Variants in PCDHA12 observed in about 807,000 individuals in gnomAD.
The protein encoded by PCDHA12 is protocadherin alpha-12.
In PCDHA12, 44 loss-of-function variants were observed where a neutral mutation model predicts 60.0. The observed-to-expected ratio is 0.73, with a 90% confidence interval of 0.58 to 0.94. PCDHA12 has a LOEUF of 0.94. Among genes scored for constraint, PCDHA12 ranks in the 40% least tolerant of loss-of-function variants. The probability of loss-of-function intolerance (pLI) is 0.00; values close to 1 mark genes in which losing one functional copy is unlikely to be tolerated. For missense variants in PCDHA12, 1,276 were observed against 1,239.7 expected (o/e 1.03, Z -0.44); for synonymous variants, 569 against 553.0 (o/e 1.03, Z -0.40).
chr5:140,978,794 T>A, intron 1 of PCDHA12, 155 bp from the exon 2 acceptor site: 1 of 978,746 alleles, frequency 1.0e-6, no homozygotes, highest in Non-Finnish European at 1.2e-6. Flanking sequence ...GTGCTATATA[T>A]GTAGATATCA....
At chr5:140,890,753 C>G (rs1274674281) in intron 1 of PCDHA12, among the ~76,000 whole-genome samples, 1 of 152,114 alleles carries the variant, frequency 6.6e-6, no homozygotes, top group African/African-American at 2.4e-5. Context: ...TTCTGTCATG[C>G]TTTAAAAATA....
At chr5:140,980,237 A>C (rs1159780134) in intron 2 of PCDHA12, among the ~76,000 whole-genome samples, 1 of 152,238 alleles carries the variant, frequency 6.6e-6, no homozygotes, top group Non-Finnish European at 1.5e-5. Context: ...GTTGGTGGAG[A>C]CATGCAATGG....
rs188637090 is a variant in PCDHA12 at position 140,876,765 on chromosome 5, C to T, written c.1293C>T (p.Gly431=). 1,055 of 1,614,234 alleles carry T rather than the reference C, an allele frequency of 6.5e-4. 5 individuals are homozygous for T. The African/African-American group carries it at 0.01, about 15-fold the overall frequency. ...YELVVTARDG[G]SPSLWATARV... ...TGGTGGTGACTGCGCGGGATGGGGG[C>T]TCGCCTTCGCTGTGGGCCACGGCTA... The change falls in exon 1 of 4, where the codon GGC becomes GGT. Residue 431 remains glycine (G), a synonymous_variant. Transcript: ENST00000398631.
chr5:141,010,034 A>G lies in PCDHA12; in HGVS notation c.*97A>G. On this transcript the variant is annotated 3_prime_UTR_variant, in exon 4 of 4. Transcript: ENST00000398631. Reference sequence around the variant, plus strand: ...CCTGCTCCTTTTTCCTATCTACATGAGCCCTCTTAGAGACCTCAGAAATCT... The same window carrying G: ...CCTGCTCCTTTTTCCTATCTACATGGGCCCTCTTAGAGACCTCAGAAATCT... 6.3e-7 allele frequency: 1 copy of G among 1,582,208 alleles called. No individual in the cohort carries two copies.
In PCDHA12 at chr5:140,877,218, G is replaced by T; in HGVS notation, c.1746G>T (p.Pro582=). The change falls in exon 1 of 4, where the codon CCG becomes CCT. Residue 582 remains proline (P), a synonymous_variant. Transcript: ENST00000398631. ...GAGGCGCAGTTAGCGAGTTGGTACC[G>T]CGGTCGGTGGGTGCGGGCCACGTGG... ...SAGGAVSELV[P]RSVGAGHVVA... is the part of the protein sequence containing the mutation. 1.2e-6 allele frequency: 2 copies of T among 1,613,726 alleles called. No homozygotes were observed. The highest frequency in any genetic ancestry group is 1.1e-5 in the South Asian group (1 of 91,038).
In PCDHA12 at chr5:140,877,516, G is replaced by A; in HGVS notation, c.2044G>A (p.Ala682Thr). The change falls in exon 1 of 4, where the codon GCC becomes ACC. Residue 682 changes from alanine (A) to threonine (T), a missense_variant. Ala to Thr is a moderately conservative substitution (Grantham distance 58). Coordinates refer to ENST00000398631, the MANE Select transcript of PCDHA12 (RefSeq NM_018903.4). ...NGQAPKTSSRASVGAVDPEAA... is the reference protein window; with the variant it reads ...NGQAPKTSSRTSVGAVDPEAA... ...CCAGGCCCCAAAGACGTCGTCGCGG[G>A]CCTCAGTGGGCGCTGTGGATCCCGA... 6.2e-7 allele frequency: 1 copy of A among 1,613,816 alleles called. No homozygotes were observed. Among genetic ancestry groups the A allele is most frequent in the Non-Finnish European group, 8.5e-7 (1 of 1,179,882 alleles).
chr5:140,972,905 A>C (rs1188926107), intron 1 of PCDHA12, among the ~76,000 whole-genome samples: 18 of 151,782 alleles, frequency 1.2e-4, no homozygotes, highest in African/African-American at 4.4e-4. Flanking sequence ...CTTGTGATCC[A>C]CCCGCCTTGG....
chr5:140,967,901 A>T, intron 1 of PCDHA12: 2 of 1,614,142 alleles, frequency 1.2e-6, no homozygotes, highest in African/African-American at 1.3e-5. Context: ...TGAGAATGCT[A>T]CACCCAACAC....
chr5:140,902,197 C>T (rs868992860), intron 1 of PCDHA12, among the ~76,000 whole-genome samples: 1 of 143,684 alleles, frequency 7.0e-6, no homozygotes, highest in African/African-American at 2.6e-5. Context: ...CTCTCTCTCT[C>T]TCTTTCTTTT....
At chr5:141,003,081 T>C (rs2098110268) in intron 3 of PCDHA12, among the ~76,000 whole-genome samples, 1 of 152,238 alleles carries the variant, frequency 6.6e-6, no homozygotes, top group Admixed American at 6.5e-5. Context: ...AGGGTGAGTT[T>C]AACAGGCCTG....
intron 1 of PCDHA12, among the ~76,000 whole-genome samples, chr5:140,944,319 C>T (rs1386940921): frequency 6.6e-6 from 1 of 152,104 alleles, no homozygotes. Context: ...TCCTGAGTAG[C>T]TGGGATTACA....
chr5:140,931,319 T>A (rs1237988294), intron 1 of PCDHA12, among the ~76,000 whole-genome samples: 3 of 152,086 alleles, frequency 2.0e-5, no homozygotes, highest in Non-Finnish European at 4.4e-5. Flanking sequence ...ATACCAGTAA[T>A]GGCTGTAAAG....
At chr5:140,905,360 T>C (rs2071771480) in intron 1 of PCDHA12, among the ~76,000 whole-genome samples, 2 of 152,238 alleles carry the variant, frequency 1.3e-5, no homozygotes, top group Non-Finnish European at 2.9e-5. Context: ...TTTGACTATA[T>C]TTCTGGTTCT....
At chr5:141,007,448 G>A (rs555583994) in intron 3 of PCDHA12, among the ~76,000 whole-genome samples, 2 of 150,352 alleles carry the variant, frequency 1.3e-5, no homozygotes, top group African/African-American at 4.9e-5. Context: ...TGTGCCTGTA[G>A]TCCCAGCTAC....
At position 141,010,004 on chromosome 5, in the gene PCDHA12, A is replaced by T; in HGVS notation, c.*67A>T. 1 of 1,573,418 alleles carries T rather than the reference A, an allele frequency of 6.4e-7. No individual in the cohort carries two copies. The highest frequency in any genetic ancestry group is 8.6e-7 in the Non-Finnish European group (1 of 1,163,824). ...TAATGGCAAATCTCTCCCATGTAGC[A>T]ATTCCCTGCTCCTTTTTCCTATCTA... On this transcript the variant is annotated 3_prime_UTR_variant, in exon 4 of 4. Transcript: ENST00000398631.
At chr5:140,885,064 A>T (rs2060452937) in intron 1 of PCDHA12, among the ~76,000 whole-genome samples, 1 of 152,162 alleles carries the variant, frequency 6.6e-6, no homozygotes, top group Non-Finnish European at 1.5e-5. Context: ...TACCCACAAG[A>T]TATTATTTTA....
chr5:140,952,417 C>T (rs2153696080), intron 1 of PCDHA12, among the ~76,000 whole-genome samples: 1 of 152,190 alleles, frequency 6.6e-6, no homozygotes, highest in Non-Finnish European at 1.5e-5. Flanking sequence ...TAATGTTCCG[C>T]AGATTCCTAC....
chr5:140,968,330 G>A (rs1314697989), intron 1 of PCDHA12: 2 of 1,613,974 alleles, frequency 1.2e-6, no homozygotes, highest in East Asian at 2.2e-5. Context: ...CACCTCCTAT[G>A]TCTCCATTAA....
In PCDHA12 at chr5:140,882,697, A is replaced by G. The variant is rs145968658; in HGVS notation, c.2367+4858A>G. 60 of 1,614,238 alleles carry G rather than the reference A, an allele frequency of 3.7e-5. No homozygotes were observed. The African/African-American group carries it at 6.5e-4, about 18-fold the overall frequency. On this transcript the variant is annotated intron_variant, in intron 1 of 3. Transcript: ENST00000398631. ...AAAGCAAGAAACGAATAATCATTGC[A>G]GAATCTAGACCTCCGGAAACTCGAT...
Sources: gnomAD v4.1 joint callset for allele counts (sites outside exome capture counted in the v4.1 genomes callset) on GRCh38, gnomAD v4.1.1 for gene constraint, MANE v1.5 for transcripts, NCBI Gene and HGNC (gene_info 2026-07-23, HGNC 2026-07-21) for gene names.